RNF212B: variants seen among roughly 807,000 people sequenced by gnomAD.
RNF212B encodes the protein ring finger protein 212B.
In RNF212B, 52 loss-of-function variants were observed where a neutral mutation model predicts 55.5. The ratio of observed to expected loss-of-function variants is 0.94; its 90% CI spans 0.75 to 1.18. The LOEUF (loss-of-function observed/expected upper bound fraction) is 1.18. Ranked by LOEUF, RNF212B falls within the 50% of genes most tolerant of loss-of-function variation. The probability of loss-of-function intolerance (pLI) is 0.00; values close to 1 mark genes in which losing one functional copy is unlikely to be tolerated. For synonymous variants in RNF212B, 99 were observed against 121.4 expected, an observed-to-expected ratio of 0.82 and a Z score of 1.21; for missense variants, 289 against 350.4, an observed-to-expected ratio of 0.82 and a Z score of 1.40.
At chr14:23,193,750 A>T (rs1594856496) in intron 2 of RNF212B, among the ~76,000 whole-genome samples, 2 of 53,552 alleles carry the variant, frequency 3.7e-5, no homozygotes, top group Admixed American at 2.2e-4. Flanking sequence ...AGAAGATTTA[A>T]CAAAAAAAAA....
intron 2 of RNF212B, among the ~76,000 whole-genome samples, chr14:23,216,382 G>A (rs1350222331): frequency 6.6e-6 from 1 of 151,574 alleles, no homozygotes; most frequent in Non-Finnish European, 1.5e-5. Context: ...TGAAACAGAG[G>A]AATAAAAAAA....
intron 2 of RNF212B, 40 bp from the exon 3 acceptor site, chr14:23,243,216 G>A (rs750498907): frequency 6.7e-7 from 1 of 1,499,694 alleles, no homozygotes; most frequent in South Asian, 1.2e-5. Flanking sequence ...CTTACCTCAT[G>A]CTCATGAGAG....
chr14:23,247,140 C>CA (rs36074283), intron 4 of RNF212B, among the ~76,000 whole-genome samples: 61,285 of 139,318 alleles, frequency 0.44, 12,974 homozygotes, highest in Non-Finnish European at 0.45. Flanking sequence ...AACTCCATCT[C>CA]AAAAAAAAAA....
intron 2 of RNF212B, among the ~76,000 whole-genome samples, chr14:23,231,119 T>G (rs1882578340): frequency 6.6e-6 from 1 of 152,210 alleles, no homozygotes; most frequent in Non-Finnish European, 1.5e-5. Context: ...AATTTTATAT[T>G]AATTTTAGGG....
chr14:23,225,081 C>CAAAA (rs374813233), intron 2 of RNF212B, among the ~76,000 whole-genome samples: 2 of 146,268 alleles, frequency 1.4e-5, no homozygotes, highest in African/African-American at 5.0e-5. Flanking sequence ...CCACCCCACA[C>CAAAA]AAAAAAAAAA....
intron 4 of RNF212B, among the ~76,000 whole-genome samples, chr14:23,255,598 C>T (rs1263605191): frequency 3.9e-5 from 6 of 152,170 alleles, no homozygotes; most frequent in Non-Finnish European, 8.8e-5. Context: ...AAAATAATCA[C>T]ACCTTTAAGA....
At chr14:23,237,388 C>T (rs1252801274), upstream of RNF212B, among the ~76,000 whole-genome samples, 2 of 152,184 alleles carry the variant, frequency 1.3e-5, no homozygotes, top group Admixed American at 1.3e-4. Context: ...CCTCGGCCTC[C>T]CAAGGTGCTG....
intron 2 of RNF212B, among the ~76,000 whole-genome samples, chr14:23,198,072 G>A (rs1385513156): frequency 6.6e-6 from 1 of 152,124 alleles, no homozygotes; most frequent in Non-Finnish European, 1.5e-5. Context: ...CTTCTTTTGT[G>A]GATCTTCAGT....
In RNF212B at chr14:23,213,890, C is replaced by T. The variant is rs545059517; in HGVS notation, c.-2+20489C>T. The stretch of plus-strand genomic sequence containing the variant: ...AATCTCAGTTTAAATGGAAAAAACC[C>T]CAACAGTCAACAGGCACTAACATTT... On this transcript the variant is annotated intron_variant, in intron 2 of 15. Transcript: ENST00000399910. Among the ~76,000 whole-genome samples the T allele has an allele frequency of 6.6e-5, 10 of 152,220 alleles. No homozygotes were observed. In the South Asian group the frequency reaches 1.9e-3, roughly 28 times the overall value.
chr14:23,256,520 C>T (rs1455259752), intron 4 of RNF212B, among the ~76,000 whole-genome samples: 3 of 152,010 alleles, frequency 2.0e-5, no homozygotes, highest in Non-Finnish European at 2.9e-5. Context: ...TACAGGTGCA[C>T]GCCACCATGC....
intron 1 of RNF212B, among the ~76,000 whole-genome samples, chr14:23,192,935 T>C (rs1206784582): frequency 6.6e-6 from 1 of 151,184 alleles, no homozygotes; most frequent in Non-Finnish European, 1.5e-5. Flanking sequence ...CTAGTAAAAA[T>C]ACAAAAATTA....
intron 4 of RNF212B, among the ~76,000 whole-genome samples, chr14:23,256,227 G>A (rs1884820899): frequency 6.6e-6 from 1 of 152,086 alleles, no homozygotes; most frequent in Admixed American, 6.5e-5. Flanking sequence ...TAATCCCAAG[G>A]GTAGGATTAG....
rs1275499141 is a variant in RNF212B, at chr14:23,244,171, T to A, written c.154-151T>A. 3 of 526,414 alleles carry A rather than the reference T, an allele frequency of 5.7e-6. No individual in the cohort carries two copies. The East Asian group carries it at 9.3e-5, about 16-fold the overall frequency. 32.6% of individuals were successfully genotyped at this position (526,414 alleles called of 1,614,324 possible). The stretch of plus-strand genomic sequence containing the variant: ...GGTAAGGAGAATTGGACATATAATG[T>A]ACATCTAGAAGAGTGGAGATCTCCC... On this transcript the variant is annotated intron_variant, in intron 3 of 14. Transcript: ENST00000430154.
At chr14:23,230,673 A>C (rs905318759) in intron 2 of RNF212B, among the ~76,000 whole-genome samples, 1 of 151,026 alleles carries the variant, frequency 6.6e-6, no homozygotes, top group Non-Finnish European at 1.5e-5. Context: ...AAAAAAAAAA[A>C]AAAAAAAAAA....
At chr14:23,247,100 A>G (rs1393632595) in intron 4 of RNF212B, among the ~76,000 whole-genome samples, 1 of 150,938 alleles carries the variant, frequency 6.6e-6, no homozygotes, top group Non-Finnish European at 1.5e-5. Context: ...AGATCGCACC[A>G]TTGCACTCCA....
intron 2 of RNF212B, among the ~76,000 whole-genome samples, chr14:23,205,366 A>G (rs1178399932): frequency 6.6e-6 from 1 of 151,898 alleles, no homozygotes; most frequent in East Asian, 1.9e-4. Flanking sequence ...TTTATTGGAA[A>G]ATACCCAAAT....
In RNF212B at chr14:23,273,097, G is replaced by T; in HGVS notation, c.*206G>T. On this transcript the variant is annotated 3_prime_UTR_variant, in exon 15 of 15. Coordinates refer to ENST00000430154, the MANE Select transcript of RNF212B (RefSeq NM_001282322.3). Reference sequence around the variant, plus strand: ...GTCTTACAAAAGGCTAGTGCTTCAGGAAGATGTTTATATCTCTTCCAGAAG... The same window carrying T: ...GTCTTACAAAAGGCTAGTGCTTCAGTAAGATGTTTATATCTCTTCCAGAAG... 2.5e-6 allele frequency: 1 copy of T among 404,170 alleles called. No individual in the cohort carries two copies. The allele number at this position is 404,170 out of a possible 1,614,324, so 25.0% of individuals were successfully genotyped here.
intron 8 of RNF212B, 75 bp from the exon 9 acceptor site, chr14:23,262,853 G>C (rs1038955863): frequency 6.8e-7 from 1 of 1,474,144 alleles, no homozygotes; most frequent in African/African-American, 1.4e-5. Flanking sequence ...AGATAACCAT[G>C]TACAACAAAT....
chr14:23,247,126 GC>G (rs1884042960), intron 4 of RNF212B, among the ~76,000 whole-genome samples: 2 of 143,388 alleles, frequency 1.4e-5, no homozygotes, highest in African/African-American at 5.2e-5. Context: ...GGCAACACGA[GC>G]AAAACTCCAT....
Sources: gnomAD v4.1 joint callset for allele counts (sites outside exome capture counted in the v4.1 genomes callset) on GRCh38, gnomAD v4.1.1 for gene constraint, MANE v1.5 for transcripts, NCBI Gene and HGNC (gene_info 2026-07-23, HGNC 2026-07-21) for gene names.